The following PCDHGB6 variants were observed in gnomAD, a reference collection of about 807,000 sequenced individuals.
PCDHGB6 encodes protocadherin gamma-B6.
Under a neutral mutation model 59.1 loss-of-function variants are expected in PCDHGB6, and 51 were observed. The ratio of observed to expected loss-of-function variants is 0.86; its 90% confidence interval spans 0.69 to 1.09. The LOEUF is 1.09. Among genes scored for constraint, PCDHGB6 ranks in the 50% least tolerant of loss-of-function variants. PCDHGB6 has a pLI of 0.00. For missense variants in PCDHGB6, 1,148 were observed against 1,205.1 expected, an observed-to-expected ratio of 0.95 and a Z score of 0.70; for synonymous variants, 466 against 495.1, an observed-to-expected ratio of 0.94 and a Z score of 0.78.
Position 141,489,429 on chromosome 5 carries a change from G to A in PCDHGB6, c.2419-5378G>A. 1 of 1,614,140 alleles carries A rather than the reference G, an allele frequency of 6.2e-7. No individual in the cohort carries two copies. Among genetic ancestry groups the A allele is most frequent in the Non-Finnish European group, 8.5e-7 (1 of 1,180,036 alleles). ...AGATGACAGATCTGTTGAGCCGGCG[G>A]CTGCAATTGGGCTCTGAGGAGAATG... On this transcript the variant is annotated intron_variant, in intron 1 of 3. Transcript: ENST00000520790. The surrounding 1 kb of genome is among the most constrained non-coding windows in gnomAD (Gnocchi z 4.5).
intron 1 of PCDHGB6, chr5:141,419,343 A>G: frequency 6.2e-7 from 1 of 1,613,806 alleles, no homozygotes; most frequent in East Asian, 2.2e-5. Flanking sequence ...ATTGCCAGCG[A>G]CCTGGAGTCA....
chr5:141,489,312 G>A lies in PCDHGB6; in HGVS notation c.2419-5495G>A, dbSNP rs745541067. The A allele has an allele frequency of 2.5e-6, 4 of 1,594,972 alleles. No homozygotes were observed. The highest frequency in any genetic ancestry group is 2.6e-6 in the Non-Finnish European group (3 of 1,169,822). On this transcript the variant is annotated intron_variant, in intron 1 of 3. Transcript: ENST00000520790. This position sits in a 1 kb window ranked among gnomAD's most constrained non-coding sequence, Gnocchi z 4.5. ...TGTGCATGTTGTCCTTGTGCTGCTG[G>A]GGCTGGGTGTCTGGGCAGCTTCGTT...
Position 141,431,199 on chromosome 5 carries a change from C to T in PCDHGB6, c.2418+20579C>T. 1 of 1,614,194 alleles carries T rather than the reference C, an allele frequency of 6.2e-7. No homozygotes were observed. Among genetic ancestry groups the T allele is most frequent in the East Asian group, 2.2e-5 (1 of 44,890 alleles). ...GAAATAAAAATTAGTGAAAATGCAG[C>T]CACTGAGATGCGGTTCCCTCTACCC... On this transcript the variant is annotated intron_variant, in intron 1 of 3. Transcript: ENST00000520790. This position sits in a 1 kb window ranked among gnomAD's most constrained non-coding sequence, Gnocchi z 4.8.
At chr5:141,501,329 ACACAC>A (rs1562200854) in intron 2 of PCDHGB6, among the ~76,000 whole-genome samples, 2 of 148,226 alleles carry the variant, frequency 1.3e-5, no homozygotes, top group Non-Finnish European at 3.0e-5. Flanking sequence ...ACACACACAC[ACACAC>A]CCCAAACTCA....
chr5:141,473,382 C>A (rs780229708), intron 1 of PCDHGB6, among the ~76,000 whole-genome samples: 12 of 152,190 alleles, frequency 7.9e-5, no homozygotes, highest in Non-Finnish European at 1.8e-4. Context: ...TGGTCCCTGC[C>A]CTCCTGGAGC....
intron 1 of PCDHGB6, among the ~76,000 whole-genome samples, chr5:141,436,613 A>C (rs1334315821): frequency 1.3e-5 from 2 of 152,206 alleles, no homozygotes; most frequent in Non-Finnish European, 2.9e-5. Flanking sequence ...AGGGCTAACA[A>C]AAATCTGATT....
At chr5:141,498,588 A>G (rs1326073516) in intron 2 of PCDHGB6, among the ~76,000 whole-genome samples, 1 of 152,082 alleles carries the variant, frequency 6.6e-6, no homozygotes, top group Non-Finnish European at 1.5e-5. Context: ...GTTCTTCAGT[A>G]AACTTGGTTC....
chr5:141,489,592 C>A lies in PCDHGB6; in HGVS notation c.2419-5215C>A, dbSNP rs747085985. On this transcript the variant is annotated intron_variant, in intron 1 of 3. Coordinates refer to ENST00000520790, the MANE Select transcript of PCDHGB6 (RefSeq NM_018926.3). The surrounding 1 kb of genome is among the most constrained non-coding windows in gnomAD (Gnocchi z 4.5). ...GACTGAACACCCCCTGGAGCTAATCCGTGTAGAGGTAGAGATCCTGGATCT... is the reference window on the plus strand; with the variant it reads ...GACTGAACACCCCCTGGAGCTAATCAGTGTAGAGGTAGAGATCCTGGATCT... 3 of 1,614,046 alleles carry A rather than the reference C, an allele frequency of 1.9e-6. No homozygotes were observed. Among genetic ancestry groups the A allele is most frequent in the Non-Finnish European group, 2.5e-6 (3 of 1,179,978 alleles).
rs779065098 is a variant in PCDHGB6 at position 141,491,758 on chromosome 5, C to T, written c.2419-3049C>T. 1.8e-5 allele frequency: 29 copies of T among 1,578,670 alleles called. No homozygotes were observed. Among genetic ancestry groups the T allele is most frequent in the Non-Finnish European group, 2.2e-5 (26 of 1,163,530 alleles). ...TGGGGGCGGCACTGGAGAAGCCGCC[C>T]GTCCTCATAAGGGATTGAACTTGCA... On this transcript the variant is annotated intron_variant, in intron 1 of 3. Transcript: ENST00000520790. The surrounding 1 kb of genome is among the most constrained non-coding windows in gnomAD (Gnocchi z 6.9).
rs1031996605 is a variant in PCDHGB6, at chr5:141,487,055, G to C, written c.2419-7752G>C. ...TGCAGTCTCTCGATATGCTGGGGAG[G>C]TGCGGACGGCTGTTCCTATCCCAGC... is the stretch of plus-strand genomic sequence containing the variant. On this transcript the variant is annotated intron_variant, in intron 1 of 3. Transcript: ENST00000520790. The surrounding 1 kb of genome is among the most constrained non-coding windows in gnomAD (Gnocchi z 5.0). The C allele has an allele frequency of 6.2e-7, 1 of 1,614,186 alleles. No individual in the cohort carries two copies. The highest frequency in any genetic ancestry group is 8.5e-7 in the Non-Finnish European group (1 of 1,180,038).
chr5:141,481,900 C>T (rs949418188), intron 1 of PCDHGB6, among the ~76,000 whole-genome samples: 13 of 126,002 alleles, frequency 1.0e-4, no homozygotes, highest in African/African-American at 3.2e-4. Flanking sequence ...GGTGAAAGAG[C>T]GAAACTCCAT....
intron 1 of PCDHGB6, chr5:141,415,523 T>G (rs1245542927): frequency 1.9e-6 from 3 of 1,614,196 alleles, no homozygotes; most frequent in Non-Finnish European, 2.5e-6. Context: ...GCGGACACGC[T>G]CATCAGCCAG....
intron 2 of PCDHGB6, among the ~76,000 whole-genome samples, chr5:141,504,078 CCAAA>C (rs1272625151): frequency 6.6e-6 from 1 of 152,078 alleles, no homozygotes; most frequent in South Asian, 2.1e-4. Context: ...CCAGATGGTG[CCAAA>C]CAGTTACCTA....
chr5:141,423,260 G>A (rs1402237346), intron 1 of PCDHGB6: 2 of 1,613,996 alleles, frequency 1.2e-6, no homozygotes, highest in South Asian at 1.1e-5. Flanking sequence ...GACCTCGGCA[G>A]CCTCGAGTCT....
intron 1 of PCDHGB6, chr5:141,440,535 G>A (rs1305958587): frequency 1.3e-5 from 2 of 152,154 alleles, no homozygotes; most frequent in East Asian, 1.9e-4. Flanking sequence ...CATGCACCAC[G>A]GTTCAGCAGG....
chr5:141,438,623 TATATATATATATACACAC>T (rs1435936123), intron 1 of PCDHGB6, among the ~76,000 whole-genome samples: 532 of 42,826 alleles, frequency 0.012, 5 homozygotes, highest in African/African-American at 0.075. Flanking sequence ...TATATATATA[TATATATATATATACACAC>T]ACACACACAC....
At position 141,477,530 on chromosome 5, in the gene PCDHGB6, C is replaced by A; in HGVS notation, c.2419-17277C>A. The A allele has an allele frequency of 6.2e-7, 1 of 1,614,186 alleles. No homozygotes were observed. The highest frequency in any genetic ancestry group is 1.1e-5 in the South Asian group (1 of 91,082). ...CGTTTACATTGAAGAAAACAACCTCCCCGGGGCTCCAATACTAAACCTAAG... is the reference window on the plus strand; with the variant it reads ...CGTTTACATTGAAGAAAACAACCTCACCGGGGCTCCAATACTAAACCTAAG... On this transcript the variant is annotated intron_variant, in intron 1 of 3. Coordinates refer to ENST00000520790, the MANE Select transcript of PCDHGB6 (RefSeq NM_018926.3). The surrounding 1 kb of genome is among the most constrained non-coding windows in gnomAD (Gnocchi z 4.9).
At chr5:141,484,399 CCGCTGTGTCT>C (rs1488164183) in intron 1 of PCDHGB6, among the ~76,000 whole-genome samples, 4 of 152,186 alleles carry the variant, frequency 2.6e-5, no homozygotes, top group Non-Finnish European at 4.4e-5. Context: ...GGTTTGGTTT[CCGCTGTGTCT>C]CCTGTTACAA....
Position 141,476,242 on chromosome 5 carries a change from G to T in PCDHGB6, c.2419-18565G>T. ...ACTATGAGATCCCGGAGGAAAGAGA[G>T]AAGGGTTTCGCTGTGGGCAACGTGG... is the stretch of plus-strand genomic sequence containing the variant. On this transcript the variant is annotated intron_variant, in intron 1 of 3. Coordinates refer to ENST00000520790, the MANE Select transcript of PCDHGB6 (RefSeq NM_018926.3). The surrounding 1 kb of genome is among the most constrained non-coding windows in gnomAD (Gnocchi z 7.6). 6.2e-7 allele frequency: 1 copy of T among 1,614,100 alleles called. No individual in the cohort carries two copies.
Sources: gnomAD v4.1 joint callset for allele counts (sites outside exome capture counted in the v4.1 genomes callset) on GRCh38, gnomAD v4.1.1 for gene constraint, Gnocchi (gnomAD v3.1) non-coding constraint, MANE v1.5 for transcripts, NCBI Gene and HGNC (gene_info 2026-07-23, HGNC 2026-07-21) for gene names.